The following CFAP61 variants were observed in gnomAD, a reference collection of about 807,000 sequenced individuals.
The protein encoded by CFAP61 is cilia- and flagella-associated protein 61.
In CFAP61, 107 loss-of-function variants were observed where a neutral mutation model predicts 135.6. The observed-to-expected ratio is 0.79, with a 90% CI of 0.67 to 0.93. The LOEUF (loss-of-function observed/expected upper bound fraction) is 0.93, where lower values mean the gene tolerates loss of function less well. Among genes scored for constraint, CFAP61 ranks in the 40% least tolerant of loss-of-function variants. CFAP61 has a pLI of 0.00. For missense variants in CFAP61, 1,507 were observed against 1,556.2 expected (o/e 0.97, Z 0.53); for synonymous variants, 575 against 578.5 (o/e 0.99, Z 0.09).
intron 17 of CFAP61, among the ~76,000 whole-genome samples, chr20:20,201,329 A>G (rs527260517): frequency 1.3e-5 from 2 of 152,326 alleles, no homozygotes; most frequent in Admixed American, 1.3e-4. Context: ...CGCACTCAGC[A>G]CCCAGCTGCA....
At chr20:20,309,389 T>C (rs1486978665) in intron 25 of CFAP61, among the ~76,000 whole-genome samples, 1 of 152,086 alleles carries the variant, frequency 6.6e-6, no homozygotes, top group Non-Finnish European at 1.5e-5. Context: ...GAACTGCGAT[T>C]TCCTCCTAGA....
intron 9 of CFAP61, among the ~76,000 whole-genome samples, chr20:20,144,278 A>C (rs755236892): frequency 6.6e-6 from 1 of 152,226 alleles, no homozygotes; most frequent in Non-Finnish European, 1.5e-5. Flanking sequence ...TGAAACCTAC[A>C]TACATATGAA....
rs1165366581 is a variant in CFAP61 at position 20,196,593 on chromosome 20, T to C, written c.1614T>C (p.His538=). ...AGGACATTGAGTACATACGGTCCCA[T>C]TACAACATTGAAGATTTCATCTACT... ...NEMDIEYIRS[H]YNIEDFIYFS... The change falls in exon 16 of 27, where the codon CAT becomes CAC. Residue 538 remains histidine, a synonymous_variant. Transcript: ENST00000245957. 2.5e-6 allele frequency: 4 copies of C among 1,613,980 alleles called. No homozygotes were observed. Among genetic ancestry groups the C allele is most frequent in the Non-Finnish European group, 3.4e-6 (4 of 1,179,866 alleles).
chr20:20,118,421 A>G (rs1600751708), intron 8 of CFAP61, among the ~76,000 whole-genome samples: 1 of 135,208 alleles, frequency 7.4e-6, no homozygotes, highest in Non-Finnish European at 1.6e-5. Context: ...GTTCACTAAC[A>G]CCTCCACCTC....
At chr20:20,162,786 C>A (rs1243735695) in intron 10 of CFAP61, among the ~76,000 whole-genome samples, 1 of 152,152 alleles carries the variant, frequency 6.6e-6, no homozygotes, top group East Asian at 1.9e-4. Context: ...AAAAACTTAG[C>A]AAACCAAGTG....
At chr20:20,243,128 A>AAGAGAGT (rs1301558394) in intron 18 of CFAP61, among the ~76,000 whole-genome samples, 369 of 152,290 alleles carry the variant, frequency 2.4e-3, no homozygotes, top group Middle Eastern at 6.8e-3. Flanking sequence ...AGGAGGAACA[A>AAGAGAGT]CTCATGTCTT....
intron 13 of CFAP61, chr20:20,171,700 T>C: frequency 1.7e-6 from 1 of 605,380 alleles, no homozygotes; most frequent in Non-Finnish European, 3.0e-6. Flanking sequence ...CAGGCATTAC[T>C]GTAACACATT....
intron 3 of CFAP61, chr20:20,074,050 G>A (rs1006224980): frequency 3.4e-5 from 17 of 493,694 alleles, no homozygotes; most frequent in South Asian, 2.3e-4. Context: ...GAGGAAGGGC[G>A]GGTGCTCTGG....
chr20:20,085,594 C>T, intron 6 of CFAP61: 2 of 1,155,994 alleles, frequency 1.7e-6, no homozygotes, highest in South Asian at 1.2e-5. Flanking sequence ...AGGCCTAGGG[C>T]TCTGGGTCTT....
chr20:20,054,002 T>G (rs1021523445), intron 1 of CFAP61, among the ~76,000 whole-genome samples: 1 of 140,480 alleles, frequency 7.1e-6, no homozygotes, highest in African/African-American at 2.6e-5. Flanking sequence ...CTGTGTGTGT[T>G]TTTTTTGTTT....
At chr20:20,140,491 A>G (rs1471509934) in intron 8 of CFAP61, among the ~76,000 whole-genome samples, 1 of 151,944 alleles carries the variant, frequency 6.6e-6, no homozygotes, top group East Asian at 1.9e-4. Context: ...GATGATTTCC[A>G]ATTTCATCCA....
intron 18 of CFAP61, among the ~76,000 whole-genome samples, chr20:20,242,705 G>T (rs1438003442): frequency 6.6e-6 from 1 of 152,252 alleles, no homozygotes; most frequent in South Asian, 2.1e-4. Context: ...CTATGAATGT[G>T]CCTTGGGCTC....
chr20:20,304,961 G>T (rs928200730), intron 25 of CFAP61, among the ~76,000 whole-genome samples: 1 of 152,154 alleles, frequency 6.6e-6, no homozygotes, highest in African/African-American at 2.4e-5. Context: ...AGCAGTCTGT[G>T]CATCCTTTAT....
At position 20,288,919 on chromosome 20, in the gene CFAP61, A is replaced by T; in HGVS notation, c.3107A>T (p.Lys1036Met). The change falls in exon 23 of 27, where the codon AAG becomes ATG. Residue 1036 changes from lysine to methionine, a missense_variant. By Grantham distance (95) the Lys-to-Met change is moderately conservative (BLOSUM62 -1). Coordinates refer to ENST00000245957, the MANE Select transcript of CFAP61 (RefSeq NM_015585.4). The part of the protein sequence containing the change: ...ANLDRLIPMY[K>M]GAKIQGGILP... ...CTTGACCGGCTCATCCCCATGTACAAGGGAGCCAAGATTCAAGGTATACGA... is the reference window on the plus strand; with the variant it reads ...CTTGACCGGCTCATCCCCATGTACATGGGAGCCAAGATTCAAGGTATACGA... 1 of 1,607,762 alleles carries T rather than the reference A, an allele frequency of 6.2e-7. No individual in the cohort carries two copies. The highest frequency in any genetic ancestry group is 8.5e-7 in the Non-Finnish European group (1 of 1,174,668).
intron 26 of CFAP61, among the ~76,000 whole-genome samples, chr20:20,353,600 T>C (rs6046816): frequency 0.93 from 141,007 of 152,258 alleles, 66,224 homozygotes; most frequent in East Asian, 1. Context: ...ACCAGAAATA[T>C]GCTGTCGGAA....
chr20:20,071,134 G>A lies in CFAP61; in HGVS notation c.294+130G>A, dbSNP rs531979699. On this transcript the variant is annotated intron_variant, in intron 3 of 26. Transcript: ENST00000245957. ...ATCATGACAGTTAAAAGTGAAGGGA[G>A]CTGGTGGGGAGGAAAAGAGGGCTGA... 1.6e-4 allele frequency: 154 copies of A among 944,708 alleles called. 6 individuals carry two copies. The South Asian group carries it at 2.7e-3, about 16-fold the overall frequency. 58.5% of individuals were successfully genotyped at this position (944,708 alleles called of 1,614,324 possible).
chr20:20,302,209 C>T (rs978625681), intron 25 of CFAP61, among the ~76,000 whole-genome samples: 1 of 152,116 alleles, frequency 6.6e-6, no homozygotes, highest in African/African-American at 2.4e-5. Context: ...TAGTATGGTT[C>T]TGTATTCTGA....
At chr20:20,214,450 CT>C (rs1327584112) in intron 17 of CFAP61, 2 of 152,190 alleles carry the variant, frequency 1.3e-5, no homozygotes, top group Non-Finnish European at 2.9e-5. Context: ...AAAATTCTCC[CT>C]CCATGACTTG....
At chr20:20,142,573 C>G (rs1388310069) in intron 8 of CFAP61, among the ~76,000 whole-genome samples, 1 of 152,202 alleles carries the variant, frequency 6.6e-6, no homozygotes, top group Admixed American at 6.5e-5. Flanking sequence ...GGGCCAGGTC[C>G]GTTGCCCATC....
Sources: gnomAD v4.1 joint callset for allele counts (sites outside exome capture counted in the v4.1 genomes callset) on GRCh38, gnomAD v4.1.1 for gene constraint, MANE v1.5 for transcripts, NCBI Gene and HGNC (gene_info 2026-07-23, HGNC 2026-07-21) for gene names.